The following RAB3C variants were observed in gnomAD, a reference collection of about 807,000 sequenced individuals.
The protein encoded by RAB3C is ras-related protein Rab-3C.
RAB3C carries 17 observed loss-of-function variants against 26.4 expected under a neutral mutation model. The ratio of observed to expected loss-of-function variants is 0.64; its 90% CI spans 0.44 to 0.97. The LOEUF is 0.97. RAB3C is among the 50% of genes least tolerant of loss of function. The probability of loss-of-function intolerance (pLI) is 0.00; values close to 1 mark genes in which losing one functional copy is unlikely to be tolerated. For missense variants in RAB3C, 242 were observed against 281.9 expected, an observed-to-expected ratio of 0.86 and a Z score of 1.01; for synonymous variants, 91 against 95.9, an observed-to-expected ratio of 0.95 and a Z score of 0.30.
chr5:58,773,091 T>C (rs923699351), intron 3 of RAB3C, among the ~76,000 whole-genome samples: 3 of 152,140 alleles, frequency 2.0e-5, no homozygotes, highest in African/African-American at 7.2e-5. Context: ...AGATTTCAGA[T>C]AAAGTCCTAA....
intron 1 of RAB3C, among the ~76,000 whole-genome samples, chr5:58,609,414 G>T (rs1356593420): frequency 9.9e-5 from 15 of 152,170 alleles, no homozygotes; most frequent in Non-Finnish European, 2.2e-4. Context: ...AGAAGGTTCT[G>T]TTCCTTTAAA....
At chr5:58,596,865 T>TATAATACATAA (rs1439877411) in intron 1 of RAB3C, among the ~76,000 whole-genome samples, 2 of 61,742 alleles carry the variant, frequency 3.2e-5, no homozygotes, top group Admixed American at 2.8e-4. Context: ...ATATATAATA[T>TATAATACATAA]TATATTTAAT....
chr5:58,731,338 C>A (rs953373115), intron 3 of RAB3C, among the ~76,000 whole-genome samples: 1 of 152,038 alleles, frequency 6.6e-6, no homozygotes, highest in African/African-American at 2.4e-5. Context: ...AAATTAAGCT[C>A]ACTGTAAGCC....
intron 2 of RAB3C, among the ~76,000 whole-genome samples, chr5:58,646,080 G>C (rs1335264136): frequency 1.3e-5 from 2 of 152,178 alleles, no homozygotes; most frequent in Non-Finnish European, 2.9e-5. Flanking sequence ...AAGGAGCGAA[G>C]TCGAATGATT....
intron 2 of RAB3C, among the ~76,000 whole-genome samples, chr5:58,660,952 C>A (rs541532106): frequency 6.7e-6 from 1 of 149,832 alleles, no homozygotes; most frequent in South Asian, 2.1e-4. Flanking sequence ...TGCAGAGGAG[C>A]ACATGCAAAT....
intron 2 of RAB3C, among the ~76,000 whole-genome samples, chr5:58,671,272 T>G (rs1317825489): frequency 6.6e-6 from 1 of 152,106 alleles, no homozygotes; most frequent in Non-Finnish European, 1.5e-5. Flanking sequence ...GGTGCTCTCA[T>G]TCTCCCCCCA....
chr5:58,844,171 A>G (rs1379302752), intron 4 of RAB3C, among the ~76,000 whole-genome samples: 1 of 152,166 alleles, frequency 6.6e-6, no homozygotes, highest in Non-Finnish European at 1.5e-5. Flanking sequence ...CTGGGGGGTG[A>G]TGACAATGTT....
intron 1 of RAB3C, among the ~76,000 whole-genome samples, chr5:58,613,162 C>A (rs972818054): frequency 6.6e-6 from 1 of 152,150 alleles, no homozygotes; most frequent in East Asian, 1.9e-4. Context: ...AATAGAACTT[C>A]TGGGAAAACA....
chr5:58,790,553 C>G (rs1339023433), intron 3 of RAB3C, among the ~76,000 whole-genome samples: 2 of 152,150 alleles, frequency 1.3e-5, no homozygotes, highest in African/African-American at 4.8e-5. Context: ...GAAACAAGGA[C>G]CACTAGCCCT....
chr5:58,771,719 C>T (rs775036452), intron 3 of RAB3C, among the ~76,000 whole-genome samples: 1 of 151,920 alleles, frequency 6.6e-6, no homozygotes, highest in Non-Finnish European at 1.5e-5. Context: ...ACACAAGTCT[C>T]CAGAGTTAAG....
At chr5:58,599,049 CAAAAT>C (rs1746392645) in intron 1 of RAB3C, among the ~76,000 whole-genome samples, 1 of 151,934 alleles carries the variant, frequency 6.6e-6, no homozygotes, top group Non-Finnish European at 1.5e-5. Context: ...AAAAACAAAA[CAAAAT>C]AAAACAAAAA....
At chr5:58,659,652 T>C (rs1747856497) in intron 2 of RAB3C, among the ~76,000 whole-genome samples, 1 of 152,080 alleles carries the variant, frequency 6.6e-6, no homozygotes, top group Admixed American at 6.5e-5. Context: ...AAGCTTCATT[T>C]CCCCCACTGA....
At chr5:58,744,561 C>T (rs1349884592) in intron 3 of RAB3C, among the ~76,000 whole-genome samples, 1 of 152,190 alleles carries the variant, frequency 6.6e-6, no homozygotes, top group Admixed American at 6.5e-5. Flanking sequence ...ATATGTGCCC[C>T]ACTGCTGGCT....
intron 1 of RAB3C, among the ~76,000 whole-genome samples, chr5:58,614,692 C>T (rs1473012052): frequency 6.6e-6 from 1 of 151,842 alleles, no homozygotes; most frequent in Non-Finnish European, 1.5e-5. Context: ...TGTTGCTGTC[C>T]CAGTTGTGCT....
intron 2 of RAB3C, among the ~76,000 whole-genome samples, chr5:58,662,164 A>G (rs1353335840): frequency 6.7e-6 from 1 of 149,900 alleles, no homozygotes; most frequent in Non-Finnish European, 1.5e-5. Context: ...GGGGAAGAGG[A>G]TATTGTGCCC....
chr5:58,826,119 G>A (rs1004576779), intron 4 of RAB3C, among the ~76,000 whole-genome samples: 1 of 152,100 alleles, frequency 6.6e-6, no homozygotes, highest in African/African-American at 2.4e-5. Context: ...GCCGGAAGGA[G>A]ATGTAGGAGT....
chr5:58,585,710 C>T (rs865908110), intron 1 of RAB3C, among the ~76,000 whole-genome samples: 19 of 152,036 alleles, frequency 1.2e-4, no homozygotes, highest in South Asian at 4.2e-4. Flanking sequence ...ATGTTCTGTT[C>T]GAGGTAGTTA....
chr5:58,644,613 A>ATT (rs1747478592), intron 2 of RAB3C, among the ~76,000 whole-genome samples: 1 of 152,182 alleles, frequency 6.6e-6, no homozygotes. Flanking sequence ...AAGATTAAAG[A>ATT]TTAAGATTTT....
chr5:58,691,796 C>T (rs1348940051), intron 2 of RAB3C, among the ~76,000 whole-genome samples: 1 of 152,136 alleles, frequency 6.6e-6, no homozygotes, highest in Non-Finnish European at 1.5e-5. Flanking sequence ...TTCTGCTCAC[C>T]TGTGATGTCA....
Sources: gnomAD v4.1 joint callset for allele counts (sites outside exome capture counted in the v4.1 genomes callset) on GRCh38, gnomAD v4.1.1 for gene constraint, MANE v1.5 for transcripts, NCBI Gene and HGNC (gene_info 2026-07-23, HGNC 2026-07-21) for gene names.